Variants in SSBP2 observed in about 807,000 individuals in gnomAD.
SSBP2 encodes the protein single stranded DNA binding protein 2, also known as single-stranded DNA-binding protein 2.
A neutral mutation model predicts 61.8 loss-of-function variants in SSBP2; 17 were observed. The ratio of observed to expected loss-of-function variants is 0.28; its 90% CI spans 0.19 to 0.41. The LOEUF (loss-of-function observed/expected upper bound fraction) is 0.41. Ranked by LOEUF, SSBP2 falls within the 10% of genes least tolerant of loss-of-function variation. SSBP2 has a pLI of 1.00. For missense variants in SSBP2, 310 were observed against 458.7 expected (o/e 0.68, Z 2.96); for synonymous variants, 139 against 141.3 (o/e 0.98, Z 0.12).
chr5:81,529,751 G>C (rs931994394), intron 4 of SSBP2, among the ~76,000 whole-genome samples: 4 of 152,076 alleles, frequency 2.6e-5, no homozygotes, highest in African/African-American at 9.7e-5. Context: ...CAGAAGAAAG[G>C]AAACTGTTCT....
At chr5:81,458,069 C>T (rs575980094) in intron 10 of SSBP2, among the ~76,000 whole-genome samples, 24 of 152,280 alleles carry the variant, frequency 1.6e-4, no homozygotes, top group African/African-American at 5.5e-4. Flanking sequence ...AATAATCTTG[C>T]TTGGAGTTTT....
intron 1 of SSBP2, among the ~76,000 whole-genome samples, chr5:81,684,701 G>A (rs921239863): frequency 2.9e-4 from 44 of 152,100 alleles, no homozygotes; most frequent in African/African-American, 3.1e-4. Context: ...CTTGTACCCC[G>A]ACTGCATCTT....
chr5:81,506,005 C>A (rs534084796), intron 5 of SSBP2, among the ~76,000 whole-genome samples: 1 of 152,080 alleles, frequency 6.6e-6, no homozygotes, highest in African/African-American at 2.4e-5. Flanking sequence ...TCTTTAGTTG[C>A]CTGAATTGCA....
chr5:81,679,587 A>G (rs557396041), intron 1 of SSBP2, among the ~76,000 whole-genome samples: 3 of 152,362 alleles, frequency 2.0e-5, no homozygotes, highest in Admixed American at 2.0e-4. Context: ...AAGTTTTTTA[A>G]AAGCATAATT....
intron 4 of SSBP2, among the ~76,000 whole-genome samples, chr5:81,554,665 A>C (rs1772458790): frequency 6.6e-6 from 1 of 152,024 alleles, no homozygotes; most frequent in Non-Finnish European, 1.5e-5. Flanking sequence ...TTAAAGGACA[A>C]ATAGAAAAAG....
At chr5:81,690,354 A>T (rs1753111291) in intron 1 of SSBP2, among the ~76,000 whole-genome samples, 1 of 152,168 alleles carries the variant, frequency 6.6e-6, no homozygotes, top group Admixed American at 6.5e-5. Flanking sequence ...GTTGCGTACA[A>T]TAAACACACT....
At position 81,461,102 on chromosome 5, in the gene SSBP2, C is replaced by T. The variant is rs1406270682; in HGVS notation, c.640G>A (p.Gly214Ser). 1 of 1,585,222 alleles carries T rather than the reference C, an allele frequency of 6.3e-7. No homozygotes were observed. The highest frequency in any genetic ancestry group is 1.4e-5 in the African/African-American group (1 of 73,954). Residue 214 changes from glycine to serine, a missense_variant and splice_region_variant, in exon 10 of 17, where the codon GGT becomes AGT. Coordinates refer to ENST00000320672, the MANE Select transcript of SSBP2 (RefSeq NM_012446.5). ...GGCCAAGGTCTACCACCACCTGGAC[C>T]CCTACAAAACAATTTGATAAATGAA...
chr5:81,586,838 G>C (rs930610560), intron 4 of SSBP2, among the ~76,000 whole-genome samples: 7 of 151,740 alleles, frequency 4.6e-5, no homozygotes, highest in Admixed American at 2.6e-4. Flanking sequence ...TTCCCTCTAG[G>C]AGTCTAAAAT....
At chr5:81,535,938 T>C (rs894926292) in intron 4 of SSBP2, among the ~76,000 whole-genome samples, 2 of 152,082 alleles carry the variant, frequency 1.3e-5, no homozygotes, top group African/African-American at 2.4e-5. Flanking sequence ...TAAAATACAT[T>C]GTCAAGAGAG....
chr5:81,631,642 G>T (rs442417), intron 3 of SSBP2, among the ~76,000 whole-genome samples: 70,629 of 151,794 alleles, frequency 0.47, 17,584 homozygotes, highest in East Asian at 0.81. Flanking sequence ...TTGTGTGTGC[G>T]CCTACTCAGT....
intron 4 of SSBP2, among the ~76,000 whole-genome samples, chr5:81,601,667 T>C (rs775371412): frequency 6.6e-6 from 1 of 152,194 alleles, no homozygotes; most frequent in Non-Finnish European, 1.5e-5. Flanking sequence ...ATTTGCTCTG[T>C]GACCACAATA....
chr5:81,551,340 A>G (rs1772174397), intron 4 of SSBP2, among the ~76,000 whole-genome samples: 4 of 152,166 alleles, frequency 2.6e-5, no homozygotes, highest in Admixed American at 2.6e-4. Flanking sequence ...TATTTGCAGA[A>G]GATATTCAAC....
intron 1 of SSBP2, among the ~76,000 whole-genome samples, chr5:81,688,901 G>T (rs1265409208): frequency 6.6e-6 from 1 of 152,080 alleles, no homozygotes; most frequent in Non-Finnish European, 1.5e-5. Flanking sequence ...ACCAATAATG[G>T]AGAGATGGAG....
intron 15 of SSBP2, 31 bp from the exon 16 acceptor site, chr5:81,428,714 G>A: frequency 1.3e-6 from 2 of 1,559,530 alleles, no homozygotes; most frequent in Non-Finnish European, 1.8e-6. Flanking sequence ...ACAAGGCATT[G>A]TTGAAAATTT....
intron 2 of SSBP2, among the ~76,000 whole-genome samples, chr5:81,644,706 A>T (rs1749108587): frequency 6.6e-6 from 1 of 152,160 alleles, no homozygotes; most frequent in African/African-American, 2.4e-5. Flanking sequence ...CTTCAGGCAT[A>T]AAAAAGGGAT....
At chr5:81,574,836 A>G (rs1774086549) in intron 4 of SSBP2, among the ~76,000 whole-genome samples, 2 of 152,106 alleles carry the variant, frequency 1.3e-5, no homozygotes, top group African/African-American at 4.8e-5. Context: ...ATCCAGCAAA[A>G]ACATCCCCCT....
chr5:81,473,389 C>A (rs1216278422), intron 8 of SSBP2, among the ~76,000 whole-genome samples: 1 of 152,102 alleles, frequency 6.6e-6, no homozygotes, highest in South Asian at 2.1e-4. Flanking sequence ...CGATTTGTCC[C>A]AATGCACTCC....
chr5:81,500,366 A>G (rs1767612371), intron 5 of SSBP2, among the ~76,000 whole-genome samples: 1 of 151,978 alleles, frequency 6.6e-6, no homozygotes, highest in Non-Finnish European at 1.5e-5. Flanking sequence ...GGCACCCACC[A>G]TCACGCCCAG....
chr5:81,556,653 A>G lies in SSBP2; in HGVS notation c.283-42936T>C, dbSNP rs75679899. On this transcript the variant is annotated intron_variant, in intron 4 of 16. Coordinates refer to ENST00000320672, the MANE Select transcript of SSBP2 (RefSeq NM_012446.5). ...CTATTCCCTACTGCCTTTTCATGAA[A>G]TCCTTATCGTTAAATCCAAACATCA... 6.1e-3 allele frequency among the ~76,000 whole-genome samples: 925 copies of G among 152,204 alleles called. 7 individuals carry two copies. The highest frequency in any genetic ancestry group is 0.021 in the African/African-American group (865 of 41,546).
Sources: allele counts gnomAD v4.1 joint callset (sites outside exome capture counted in the v4.1 genomes callset), GRCh38; gene constraint gnomAD v4.1.1; transcripts MANE v1.5; gene names NCBI Gene and HGNC (gene_info 2026-07-23, HGNC 2026-07-21).